SGCD: variants seen among roughly 807,000 people sequenced by gnomAD.
SGCD encodes delta-sarcoglycan.
A neutral mutation model predicts 36.6 loss-of-function variants in SGCD; 18 were observed. That is an observed-to-expected ratio of 0.49 (90% CI 0.34 to 0.73). SGCD has a LOEUF of 0.73. SGCD is among the 30% of genes least tolerant of loss of function. The pLI, the probability that SGCD is intolerant of heterozygous loss-of-function variation, is 0.01. For missense variants in SGCD, 387 were observed against 346.7 expected (o/e 1.12, Z -0.92); for synonymous variants, 133 against 130.6 (o/e 1.02, Z -0.12).
Position 156,297,800 on chromosome 5 carries a change from AAATAAAT to A in SGCD, c.-43-31731_-43-31725del, listed in dbSNP as rs879524967. Among the ~76,000 whole-genome samples, 1,106 of 120,036 alleles carry A rather than the reference AAATAAAT, an allele frequency of 9.2e-3. 6 individuals are homozygous for A. Among genetic ancestry groups the A allele is most frequent in the African/African-American group, 0.049 (859 of 17,364 alleles). 78.7% of individuals were successfully genotyped at this position (120,036 alleles called of 152,430 possible). A position where few individuals can be genotyped will look rare whatever the true frequency, so the allele number is the denominator to read the frequency against. On this transcript the variant is annotated intron_variant, in intron 3 of 9. Transcript: ENST00000517913. ...CTTAAAGTATAATAAAAAAATAAAT[AAATAAAT>A]AAATAAATAAATAAATAAATTGCTG... is the stretch of plus-strand genomic sequence containing the variant.
chr5:155,818,680 C>G, the SGCD span, among the ~76,000 whole-genome samples: 1 of 152,056 alleles, frequency 6.6e-6, no homozygotes, highest in South Asian at 2.1e-4. Flanking sequence ...GCCACCATGT[C>G]TGGCTAGTTT....
chr5:155,840,538 C>G, the SGCD span, among the ~76,000 whole-genome samples: 1 of 150,936 alleles, frequency 6.6e-6, no homozygotes, highest in Non-Finnish European at 1.5e-5. Context: ...ATCTGCCTGC[C>G]TCGGCCTCCC....
chr5:155,809,821 A>C, the SGCD span, among the ~76,000 whole-genome samples: 1 of 152,220 alleles, frequency 6.6e-6, no homozygotes, highest in Non-Finnish European at 1.5e-5. Context: ...TTACTTCATA[A>C]AAGCATCTTT....
At chr5:156,644,150 A>C (rs557443416) in intron 6 of SGCD, among the ~76,000 whole-genome samples, 6 of 152,286 alleles carry the variant, frequency 3.9e-5, no homozygotes, top group African/African-American at 1.4e-4. Context: ...CTTACTTTTG[A>C]GATCAGTTCT....
chr5:156,022,402 A>G (rs926932144), intron 1 of SGCD, among the ~76,000 whole-genome samples: 1 of 152,246 alleles, frequency 6.6e-6, no homozygotes, highest in South Asian at 2.1e-4. Context: ...ACATTTAAAT[A>G]TCATGCTATG....
intron 7 of SGCD, chr5:156,704,396 G>A (rs1335772884): frequency 4.6e-5 from 7 of 152,148 alleles, no homozygotes; most frequent in Non-Finnish European, 2.9e-5. Context: ...GGAGTCTAGT[G>A]CTTAGATTTG....
intron 3 of SGCD, among the ~76,000 whole-genome samples, chr5:156,358,764 A>T (rs989167298): frequency 1.3e-5 from 2 of 152,228 alleles, no homozygotes; most frequent in South Asian, 4.1e-4. Context: ...GATTGCACAG[A>T]TGTTAAAAAT....
At chr5:156,756,130 T>G (rs985180844) in intron 7 of SGCD, among the ~76,000 whole-genome samples, 3 of 152,212 alleles carry the variant, frequency 2.0e-5, no homozygotes, top group Non-Finnish European at 4.4e-5. Flanking sequence ...GCACTGAAAT[T>G]AAATTCAGGA....
chr5:156,548,346 A>G (rs1758662695), intron 4 of SGCD, among the ~76,000 whole-genome samples: 1 of 152,214 alleles, frequency 6.6e-6, no homozygotes, highest in African/African-American at 2.4e-5. Context: ...ATGGTACCTC[A>G]TGCTTTTTGA....
intron 2 of SGCD, among the ~76,000 whole-genome samples, chr5:156,330,414 C>G (rs184530760): frequency 1.3e-5 from 2 of 152,264 alleles, no homozygotes; most frequent in East Asian, 3.9e-4. Context: ...CATTCATCTT[C>G]AGATCTCAGG....
rs1216900931 is a variant in SGCD at position 156,578,855 on chromosome 5, CA to C, written c.295-10370del. 4.6e-5 allele frequency among the ~76,000 whole-genome samples: 7 copies of C among 152,198 alleles called. No individual in the cohort carries two copies. In the East Asian group the frequency reaches 1.2e-3, roughly 25 times the overall value. ...GGTCTATCAATTTTGTTGATCTTTT[CA>C]AAAAACCAGCTCCTGGATTCATTGA... On this transcript the variant is annotated intron_variant, in intron 4 of 8. Coordinates refer to ENST00000337851, the MANE Select transcript of SGCD (RefSeq NM_000337.6).
chr5:155,750,263 A>G, the SGCD span, among the ~76,000 whole-genome samples: 116 of 152,310 alleles, frequency 7.6e-4, 4 homozygotes, highest in East Asian at 0.022. Flanking sequence ...AATAGAAAAG[A>G]TATTTTTACA....
At chr5:156,232,195 C>T (rs933618436) in intron 3 of SGCD, among the ~76,000 whole-genome samples, 1 of 152,178 alleles carries the variant, frequency 6.6e-6, no homozygotes, top group African/African-American at 2.4e-5. Flanking sequence ...CATTTAATAT[C>T]CTCATACTTT....
At chr5:156,065,447 T>C (rs1191618278) in intron 1 of SGCD, among the ~76,000 whole-genome samples, 4 of 120,350 alleles carry the variant, frequency 3.3e-5, no homozygotes, top group Non-Finnish European at 6.8e-5. Context: ...AGATGTCTAT[T>C]AGGTCTGCTT....
intron 3 of SGCD, among the ~76,000 whole-genome samples, chr5:156,392,873 T>A (rs924133258): frequency 6.6e-6 from 1 of 152,096 alleles, no homozygotes; most frequent in Non-Finnish European, 1.5e-5. Context: ...CCTCTCGACA[T>A]CCAGCCACCC....
intron 3 of SGCD, among the ~76,000 whole-genome samples, chr5:156,359,721 C>T (rs1769685789): frequency 6.6e-6 from 1 of 152,132 alleles, no homozygotes; most frequent in Non-Finnish European, 1.5e-5. Flanking sequence ...TCCAGTATCC[C>T]TAAGATGCAC....
At chr5:156,413,692 C>T (rs1772886356) in intron 3 of SGCD, among the ~76,000 whole-genome samples, 2 of 152,172 alleles carry the variant, frequency 1.3e-5, no homozygotes, top group South Asian at 4.1e-4. Flanking sequence ...AAACCTTGAA[C>T]TTTTTATAGT....
intron 1 of SGCD, among the ~76,000 whole-genome samples, chr5:156,033,096 A>G (rs111830609): frequency 0.017 from 2,459 of 148,532 alleles, 60 homozygotes; most frequent in African/African-American, 0.058. Context: ...AAAATTAAAA[A>G]TAGAATACTT....
At chr5:156,728,433 C>A (rs1407954082) in intron 7 of SGCD, among the ~76,000 whole-genome samples, 1 of 143,852 alleles carries the variant, frequency 7.0e-6, no homozygotes, top group East Asian at 2.1e-4. Context: ...ATTACTTGAA[C>A]CCAGGAGGTG....
Sources: gnomAD v4.1 joint callset for allele counts (sites outside exome capture counted in the v4.1 genomes callset) on GRCh38, gnomAD v4.1.1 for gene constraint, MANE v1.5 for transcripts, NCBI Gene and HGNC (gene_info 2026-07-23, HGNC 2026-07-21) for gene names.